NPAS3: variants seen among roughly 807,000 people sequenced by gnomAD.
NPAS3 encodes the protein neuronal PAS domain-containing protein 3.
NPAS3 carries 14 observed loss-of-function variants against 73.1 expected under a neutral mutation model. The ratio of observed to expected loss-of-function variants is 0.19; its 90% CI spans 0.13 to 0.30. The LOEUF (loss-of-function observed/expected upper bound fraction) is 0.30. Ranked by LOEUF, NPAS3 falls within the 10% of genes least tolerant of loss-of-function variation. The pLI is 1.00. For synonymous variants in NPAS3, 620 were observed against 541.5 expected (o/e 1.14, Z -2.01); for missense variants, 1,096 against 1,250.0 (o/e 0.88, Z 1.86).
intron 11 of NPAS3, among the ~76,000 whole-genome samples, chr14:33,799,484 G>A (rs1009605467): frequency 1.6e-4 from 25 of 152,196 alleles, no homozygotes; most frequent in Non-Finnish European, 3.7e-4. Context: ...TGCAGCGGGT[G>A]TCCAGATGAT....
chr14:33,316,176 C>G (rs1395223183), intron 3 of NPAS3, among the ~76,000 whole-genome samples: 2 of 152,072 alleles, frequency 1.3e-5, no homozygotes, highest in East Asian at 3.9e-4. Context: ...TCTGTTAATA[C>G]ATATCAGTTA....
chr14:33,003,453 T>G (rs182495209), intron 1 of NPAS3, among the ~76,000 whole-genome samples: 25 of 152,242 alleles, frequency 1.6e-4, no homozygotes, highest in African/African-American at 6.0e-4. Flanking sequence ...CTGTGTTGAG[T>G]TACTGAGGTG....
intron 2 of NPAS3, among the ~76,000 whole-genome samples, chr14:33,145,622 A>G (rs2044211243): frequency 6.6e-6 from 1 of 152,182 alleles, no homozygotes; most frequent in South Asian, 2.1e-4. Context: ...GGTCTAGAAG[A>G]ACAGCACAGT....
At chr14:33,119,454 A>G (rs1449664001) in intron 2 of NPAS3, among the ~76,000 whole-genome samples, 1 of 152,110 alleles carries the variant, frequency 6.6e-6, no homozygotes, top group Admixed American at 6.6e-5. Flanking sequence ...TGTTGCAACA[A>G]TCAAGGGACA....
At chr14:33,572,915 C>T (rs1240520769) in intron 5 of NPAS3, among the ~76,000 whole-genome samples, 9 of 147,878 alleles carry the variant, frequency 6.1e-5, no homozygotes, top group East Asian at 2.1e-4. Context: ...CCCAGCTACT[C>T]GGGAGTCTGA....
In NPAS3 at chr14:33,713,805, C is replaced by G. The variant is rs77931730; in HGVS notation, c.734-21409C>G. On this transcript the variant is annotated intron_variant, in intron 6 of 11. Transcript: ENST00000356141. Reference sequence around the variant, plus strand: ...ATTTAGAGTAAAATCCAAAGTTCTTCAGGGTCATACCTGTGATATGTCCAT... The same window carrying G: ...ATTTAGAGTAAAATCCAAAGTTCTTGAGGGTCATACCTGTGATATGTCCAT... Among the ~76,000 whole-genome samples, 667 of 152,300 alleles carry G rather than the reference C, an allele frequency of 4.4e-3. 31 individuals carry two copies. In the East Asian group the frequency reaches 0.099, roughly 23 times the overall value.
chr14:33,503,995 A>G (rs930367442), intron 4 of NPAS3, among the ~76,000 whole-genome samples: 1 of 152,024 alleles, frequency 6.6e-6, no homozygotes, highest in Admixed American at 6.6e-5. Flanking sequence ...TGTTATCTAG[A>G]CATTATTCCA....
intron 4 of NPAS3, among the ~76,000 whole-genome samples, chr14:33,405,553 C>T (rs755606340): frequency 5.9e-5 from 9 of 152,034 alleles, no homozygotes; most frequent in Non-Finnish European, 1.2e-4. Context: ...TGGAAGTCTC[C>T]AATAAGATAA....
At chr14:33,136,288 T>C (rs761807139) in intron 2 of NPAS3, among the ~76,000 whole-genome samples, 5 of 152,010 alleles carry the variant, frequency 3.3e-5, no homozygotes, top group Non-Finnish European at 5.9e-5. Context: ...CTCAATCTCC[T>C]GACCTCGTGA....
At chr14:33,541,096 G>GGTGTGTGTGTGT (rs140503260) in intron 4 of NPAS3, among the ~76,000 whole-genome samples, 25 of 142,858 alleles carry the variant, frequency 1.7e-4, no homozygotes, top group South Asian at 4.5e-4. Context: ...TATGTTTAGA[G>GGTGTGTGTGTGT]GTGTGTGTGT....
intron 7 of NPAS3, among the ~76,000 whole-genome samples, chr14:33,769,756 C>CTTT (rs916953785): frequency 0.039 from 3,187 of 81,806 alleles, 694 homozygotes; most frequent in Non-Finnish European, 0.053. Context: ...TTTTTTTTTT[C>CTTT]TTTTTTTTTT....
intron 4 of NPAS3, among the ~76,000 whole-genome samples, chr14:33,558,844 C>T (rs924013214): frequency 2.3e-5 from 3 of 128,134 alleles, no homozygotes; most frequent in Middle Eastern, 4.2e-3. Flanking sequence ...TGCAAATTCA[C>T]GGCCTTTTTT....
chr14:33,261,301 T>A (rs902171908), intron 3 of NPAS3, among the ~76,000 whole-genome samples: 1 of 148,692 alleles, frequency 6.7e-6, no homozygotes, highest in African/African-American at 2.4e-5. Context: ...AGCTTTTATT[T>A]AAAAAAAAAA....
intron 3 of NPAS3, among the ~76,000 whole-genome samples, chr14:33,221,529 C>T (rs903360773): frequency 3.3e-5 from 5 of 152,138 alleles, no homozygotes; most frequent in African/African-American, 7.2e-5. Context: ...TGGGAAGCTG[C>T]GGTGAGAGGA....
chr14:33,660,294 A>G (rs143806881), intron 5 of NPAS3, among the ~76,000 whole-genome samples: 52 of 152,316 alleles, frequency 3.4e-4, no homozygotes, highest in African/African-American at 1.3e-3. Flanking sequence ...TGCCATGTCC[A>G]AGCCATCTCC....
intron 5 of NPAS3, among the ~76,000 whole-genome samples, chr14:33,654,662 G>T (rs2059092400): frequency 6.6e-6 from 1 of 152,166 alleles, no homozygotes; most frequent in Non-Finnish European, 1.5e-5. Flanking sequence ...TTCAAAGCAT[G>T]TATAGACCAC....
At chr14:33,396,635 T>C (rs2047234709) in intron 4 of NPAS3, among the ~76,000 whole-genome samples, 1 of 152,136 alleles carries the variant, frequency 6.6e-6, no homozygotes, top group Non-Finnish European at 1.5e-5. Flanking sequence ...ATGCATAATC[T>C]CCTAAATACT....
chr14:32,998,925 G>A (rs750257326), intron 1 of NPAS3, among the ~76,000 whole-genome samples: 7 of 151,970 alleles, frequency 4.6e-5, no homozygotes, highest in African/African-American at 9.7e-5. Context: ...AAGCCCCTTC[G>A]CACTGTGCTG....
At chr14:33,141,776 T>C (rs1224491257) in intron 2 of NPAS3, among the ~76,000 whole-genome samples, 1 of 152,330 alleles carries the variant, frequency 6.6e-6, no homozygotes, top group East Asian at 1.9e-4. Context: ...TTCCTTGAGA[T>C]TGTGATATGA....
Sources: allele counts gnomAD v4.1 joint callset (sites outside exome capture counted in the v4.1 genomes callset), GRCh38; gene constraint gnomAD v4.1.1; transcripts MANE v1.5; gene names NCBI Gene and HGNC (gene_info 2026-07-23, HGNC 2026-07-21).